Variants in TEKT5 observed in about 807,000 individuals in gnomAD.
TEKT5 encodes the protein tektin-5.
TEKT5 carries 52 observed loss-of-function variants against 48.7 expected under a neutral mutation model. That is an observed-to-expected ratio of 1.07 (90% CI 0.86 to 1.35). The LOEUF (loss-of-function observed/expected upper bound fraction) is 1.35, where lower values mean the gene tolerates loss of function less well. Among genes scored for constraint, TEKT5 ranks in the 40% most tolerant of loss-of-function variants. The probability of loss-of-function intolerance (pLI) is 0.00; values close to 1 mark genes in which losing one functional copy is unlikely to be tolerated. For synonymous variants in TEKT5, 318 were observed against 267.6 expected (o/e 1.19, Z -1.84); for missense variants, 831 against 641.6 (o/e 1.30, Z -3.19).
At chr16:10,651,242 G>T (rs8057807) in intron 5 of TEKT5, among the ~76,000 whole-genome samples, 40,509 of 151,964 alleles carry the variant, frequency 0.27, 5,986 homozygotes, top group Middle Eastern at 0.4. Context: ...CTTCAGGCTA[G>T]GGCTAAAAAG....
chr16:10,642,633 G>C (rs1280605802), intron 5 of TEKT5, among the ~76,000 whole-genome samples: 1 of 152,104 alleles, frequency 6.6e-6, no homozygotes, highest in East Asian at 1.9e-4. Context: ...CCTTAGTCTG[G>C]CTTCTTTTAC....
intron 4 of TEKT5, among the ~76,000 whole-genome samples, chr16:10,679,699 A>G (rs1307118543): frequency 6.6e-6 from 1 of 152,058 alleles, no homozygotes; most frequent in Non-Finnish European, 1.5e-5. Context: ...GTTTGAGACC[A>G]GCCTGACCAA....
intron 5 of TEKT5, among the ~76,000 whole-genome samples, chr16:10,654,800 A>G (rs1362461250): frequency 6.6e-6 from 1 of 152,030 alleles, no homozygotes; most frequent in Non-Finnish European, 1.5e-5. Context: ...GCCAATTCCT[A>G]CAACAAATCT....
intron 4 of TEKT5, among the ~76,000 whole-genome samples, chr16:10,677,053 T>A (rs1272821815): frequency 6.6e-6 from 1 of 151,278 alleles, no homozygotes; most frequent in African/African-American, 2.4e-5. Flanking sequence ...TACCTACATG[T>A]GGTGGTGCAT....
chr16:10,659,715 T>C (rs571636644), intron 5 of TEKT5, among the ~76,000 whole-genome samples: 5 of 152,264 alleles, frequency 3.3e-5, no homozygotes, highest in Admixed American at 6.5e-5. Flanking sequence ...AACAAATCAA[T>C]GTATTCACAT....
At chr16:10,672,374 T>C (rs776870749) in intron 5 of TEKT5, among the ~76,000 whole-genome samples, 4 of 152,034 alleles carry the variant, frequency 2.6e-5, no homozygotes, top group Non-Finnish European at 5.9e-5. Flanking sequence ...CCCAGGGAAC[T>C]TGGGCCCGGA....
intron 6 of TEKT5, among the ~76,000 whole-genome samples, chr16:10,628,054 C>G (rs57434741): frequency 0.012 from 1,752 of 152,002 alleles, 21 homozygotes; most frequent in African/African-American, 0.026. Context: ...CCATGCTGGT[C>G]AAGCTGGTCA....
intron 1 of TEKT5, among the ~76,000 whole-genome samples, chr16:10,693,815 C>A (rs1899023603): frequency 6.6e-6 from 1 of 152,074 alleles, no homozygotes; most frequent in African/African-American, 2.4e-5. Flanking sequence ...ACTAAAAATA[C>A]AAAAATTAGC....
intron 5 of TEKT5, among the ~76,000 whole-genome samples, chr16:10,673,194 G>A (rs529588664): frequency 2.0e-5 from 3 of 152,284 alleles, no homozygotes; most frequent in South Asian, 2.1e-4. Context: ...CAAATAAACC[G>A]TGGAGTTTAG....
At chr16:10,675,147 C>A (rs1168842445) in intron 5 of TEKT5, among the ~76,000 whole-genome samples, 1 of 152,128 alleles carries the variant, frequency 6.6e-6, no homozygotes, top group Non-Finnish European at 1.5e-5. Flanking sequence ...TACTGTTCTG[C>A]AAACACAAAT....
intron 5 of TEKT5, among the ~76,000 whole-genome samples, chr16:10,674,068 T>C (rs199578979): frequency 1.3e-5 from 2 of 152,094 alleles, no homozygotes; most frequent in East Asian, 3.9e-4. Context: ...AGGCTCCCCA[T>C]TGCTCTTAGG....
chr16:10,680,553 G>T (rs889784660), intron 4 of TEKT5, among the ~76,000 whole-genome samples: 11 of 151,690 alleles, frequency 7.3e-5, no homozygotes, highest in Non-Finnish European at 1.6e-4. Context: ...TACCAACTGG[G>T]AAGCATGTTT....
At chr16:10,638,571 T>C (rs554192503) in intron 5 of TEKT5, among the ~76,000 whole-genome samples, 1 of 152,026 alleles carries the variant, frequency 6.6e-6, no homozygotes, top group African/African-American at 2.4e-5. Flanking sequence ...TCATGAAGAG[T>C]TCGATTTCAT....
chr16:10,640,743 G>A (rs1039999829), intron 5 of TEKT5, among the ~76,000 whole-genome samples: 3 of 152,074 alleles, frequency 2.0e-5, no homozygotes, highest in Non-Finnish European at 4.4e-5. Flanking sequence ...TTGGAGGGAG[G>A]GGGTTCTGGC....
chr16:10,628,326 G>T (rs967528703), intron 6 of TEKT5, among the ~76,000 whole-genome samples: 3 of 152,220 alleles, frequency 2.0e-5, no homozygotes, highest in Non-Finnish European at 4.4e-5. Flanking sequence ...CACAAAGGAA[G>T]AAATAAGACA....
At chr16:10,632,987 A>T (rs1321827005) in intron 6 of TEKT5, among the ~76,000 whole-genome samples, 1 of 151,776 alleles carries the variant, frequency 6.6e-6, no homozygotes, top group Middle Eastern at 3.2e-3. Context: ...TGACTGTTGA[A>T]CGGGAAACGG....
intron 5 of TEKT5, among the ~76,000 whole-genome samples, chr16:10,661,750 T>C (rs928525408): frequency 6.6e-5 from 10 of 152,152 alleles, no homozygotes; most frequent in Non-Finnish European, 8.8e-5. Context: ...AGGAACCTTC[T>C]AGAAGAGAGG....
intron 5 of TEKT5, among the ~76,000 whole-genome samples, chr16:10,657,690 T>C (rs1470937673): frequency 6.7e-6 from 1 of 148,852 alleles, no homozygotes; most frequent in Non-Finnish European, 1.5e-5. Flanking sequence ...CCCGGGTTCA[T>C]GCCATTCTCC....
intron 1 of TEKT5, chr16:10,690,625 G>A: frequency 2.0e-6 from 2 of 985,374 alleles, no homozygotes; most frequent in Non-Finnish European, 2.4e-6. Context: ...ACCCCTCTTT[G>A]CAGATCTCCC....
Sources: gnomAD v4.1 joint callset for allele counts (sites outside exome capture counted in the v4.1 genomes callset) on GRCh38, gnomAD v4.1.1 for gene constraint, MANE v1.5 for transcripts, NCBI Gene and HGNC (gene_info 2026-07-23, HGNC 2026-07-21) for gene names.